The following FBXO47 variants were observed in gnomAD, a reference collection of about 807,000 sequenced individuals.
The protein encoded by FBXO47 is F-box only protein 47.
In FBXO47, 34 loss-of-function variants were observed where a neutral mutation model predicts 53.9. The observed-to-expected ratio is 0.63, with a 90% CI of 0.48 to 0.84. The LOEUF (loss-of-function observed/expected upper bound fraction) is 0.84. Ranked by LOEUF, FBXO47 falls within the 40% of genes least tolerant of loss-of-function variation. FBXO47 has a pLI of 0.00. For synonymous variants in FBXO47, 165 were observed against 181.6 expected (o/e 0.91, Z 0.73); for missense variants, 485 against 541.3 (o/e 0.90, Z 1.03).
intron 9 of FBXO47, among the ~76,000 whole-genome samples, chr17:38,941,604 T>TA (rs2143886494): frequency 9.0e-6 from 1 of 111,630 alleles, no homozygotes; most frequent in African/African-American, 3.1e-5. Context: ...TAAATGAATA[T>TA]TAAATAAATA....
chr17:38,946,216 A>G (rs1160473037), intron 6 of FBXO47, among the ~76,000 whole-genome samples: 1 of 112,716 alleles, frequency 8.9e-6, no homozygotes, highest in African/African-American at 3.6e-5. Context: ...ATATATACAA[A>G]AATATATATA....
intron 4 of FBXO47, among the ~76,000 whole-genome samples, chr17:38,956,591 CAAA>C (rs1158036745): frequency 5.4e-5 from 3 of 55,960 alleles, no homozygotes. Context: ...TCTGTCTCAA[CAAA>C]AAAAAAAAAA....
chr17:38,966,511 G>A (rs2143983340), intron 1 of FBXO47, among the ~76,000 whole-genome samples: 1 of 152,268 alleles, frequency 6.6e-6, no homozygotes, highest in Middle Eastern at 3.4e-3. Flanking sequence ...AACACAGTAG[G>A]TGTTTTAAAG....
chr17:38,966,566 T>A (rs1319047551), intron 1 of FBXO47, among the ~76,000 whole-genome samples: 1 of 152,186 alleles, frequency 6.6e-6, no homozygotes, highest in Non-Finnish European at 1.5e-5. Flanking sequence ...CTTCTTCCTG[T>A]TTCTCTGAGA....
chr17:38,947,303 A>C (rs1021548570), intron 6 of FBXO47, among the ~76,000 whole-genome samples: 1 of 151,576 alleles, frequency 6.6e-6, no homozygotes, highest in Non-Finnish European at 1.5e-5. Flanking sequence ...TTGTCTAAAC[A>C]ACAACAAAAA....
At chr17:38,947,807 G>A (rs1326632868) in intron 6 of FBXO47, among the ~76,000 whole-genome samples, 2 of 152,094 alleles carry the variant, frequency 1.3e-5, no homozygotes, top group Non-Finnish European at 2.9e-5. Context: ...CTACTTGGGA[G>A]GCTGAGGCAG....
Position 38,937,135 on chromosome 17 carries a change from C to CG in FBXO47, c.*39dup, listed in dbSNP as rs1485778789. 1 of 837,902 alleles carries CG rather than the reference C, an allele frequency of 1.2e-6. No individual in the cohort carries two copies. The highest frequency in any genetic ancestry group is 1.8e-5 in the African/African-American group (1 of 56,718). The allele number at this position is 837,902 out of a possible 1,614,324, so 51.9% of individuals were successfully genotyped here. A position where few individuals can be genotyped will look rare whatever the true frequency, so the allele number is the denominator to read the frequency against. ...AAAAAGTAGCACTCCTCTAATCATT[C>CG]GTTCAGTGACGTTCTCTAAAGGCAA... On this transcript the variant is annotated 3_prime_UTR_variant, in exon 11 of 11. Coordinates refer to ENST00000378079, the MANE Select transcript of FBXO47 (RefSeq NM_001008777.3).
chr17:38,946,465 T>C (rs1353182864), intron 6 of FBXO47, among the ~76,000 whole-genome samples: 1 of 91,052 alleles, frequency 1.1e-5, no homozygotes, highest in Non-Finnish European at 1.9e-5. Flanking sequence ...TAAATATATA[T>C]GAATATATAT....
intron 6 of FBXO47, among the ~76,000 whole-genome samples, chr17:38,946,299 T>TATATATAAATATATAAAA (rs1567716487): frequency 0.016 from 778 of 50,140 alleles, 14 homozygotes; most frequent in Non-Finnish European, 0.027. Flanking sequence ...TATATAAAAA[T>TATATATAAATATATAAAA]ATATATAAAT....
chr17:38,954,720 T>G (rs79488852), intron 5 of FBXO47, 136 bp downstream of exon 5: 12,436 of 531,678 alleles, frequency 0.023, 202 homozygotes, highest in Non-Finnish European at 0.031. Context: ...GATTAATACA[T>G]TCTCAAATCT....
chr17:38,955,173 G>T (rs922293766), intron 4 of FBXO47, among the ~76,000 whole-genome samples: 8 of 152,072 alleles, frequency 5.3e-5, no homozygotes, highest in African/African-American at 1.9e-4. Flanking sequence ...AGATCACGAG[G>T]TCAGGAGATC....
At chr17:38,960,317 G>C (rs1905762251) in intron 3 of FBXO47, among the ~76,000 whole-genome samples, 1 of 151,830 alleles carries the variant, frequency 6.6e-6, no homozygotes, top group Non-Finnish European at 1.5e-5. Flanking sequence ...ATGACGATAT[G>C]AGAAAATGGT....
intron 6 of FBXO47, among the ~76,000 whole-genome samples, chr17:38,950,006 A>G (rs1178181407): frequency 6.6e-6 from 1 of 152,200 alleles, no homozygotes; most frequent in East Asian, 1.9e-4. Flanking sequence ...TAAATTTCTT[A>G]TATTGTGATA....
At chr17:38,960,340 C>T (rs1183108620) in intron 3 of FBXO47, among the ~76,000 whole-genome samples, 1 of 151,586 alleles carries the variant, frequency 6.6e-6, no homozygotes, top group Non-Finnish European at 1.5e-5. Flanking sequence ...GTATATCAAA[C>T]ATTTACTTAA....
rs1323362362 is a variant in FBXO47, at chr17:38,946,347, TATAAATATATATAAATATATAG to T, written c.617-1233_617-1212del. On this transcript the variant is annotated intron_variant, in intron 6 of 10. Coordinates refer to ENST00000378079, the MANE Select transcript of FBXO47 (RefSeq NM_001008777.3). ...ATAAATATATAAATATATATAAATA[TATAAATATATATAAATATATAG>T]ATATATATATAAATATATATATCTA... Among the ~76,000 whole-genome samples, 6 of 93,192 alleles carry T rather than the reference TATAAATATATATAAATATATAG, an allele frequency of 6.4e-5. 1 individual carries two copies. The highest frequency in any genetic ancestry group is 2.5e-4 in the African/African-American group (5 of 20,346). 61.1% of individuals were successfully genotyped at this position (93,192 alleles called of 152,430 possible). A position where few individuals can be genotyped will look rare whatever the true frequency, so the allele number is the denominator to read the frequency against.
rs201536038 is a variant in FBXO47 at position 38,947,105 on chromosome 17, A to AAT, written c.617-1970_617-1969insAT. 8.2e-3 allele frequency among the ~76,000 whole-genome samples: 746 copies of AAT among 90,574 alleles called. 2 individuals carry two copies. Among genetic ancestry groups the AAT allele is most frequent in the Non-Finnish European group, 0.015 (565 of 36,686 alleles). 59.4% of individuals were successfully genotyped at this position (90,574 alleles called of 152,430 possible). A position where few individuals can be genotyped will look rare whatever the true frequency, so the allele number is the denominator to read the frequency against. On this transcript the variant is annotated intron_variant, in intron 6 of 10. Coordinates refer to ENST00000378079, the MANE Select transcript of FBXO47 (RefSeq NM_001008777.3). ...AAACATATATATAAACATATATATAAACATATATATATAAACATATATATA... is the reference window on the plus strand; with the variant it reads ...AAACATATATATAAACATATATATAAATACATATATATATAAACATATATATA...
chr17:38,955,063 T>C (rs774048691), intron 4 of FBXO47, 130 bp from the exon 5 acceptor site: 4 of 642,888 alleles, frequency 6.2e-6, no homozygotes, highest in Non-Finnish European at 1.1e-5. Context: ...CTGATCAACA[T>C]TGGTTACATA....
chr17:38,946,333 A>AATATATAAATATATAGAT (rs1904821016), intron 6 of FBXO47, among the ~76,000 whole-genome samples: 2 of 84,986 alleles, frequency 2.4e-5, no homozygotes, highest in African/African-American at 1.2e-4. Context: ...TAAATATATA[A>AATATATAAATATATAGAT]ATATATATAA....
At chr17:38,953,229 G>C (rs1429248272) in intron 5 of FBXO47, among the ~76,000 whole-genome samples, 1 of 150,778 alleles carries the variant, frequency 6.6e-6, no homozygotes, top group Non-Finnish European at 1.5e-5. Flanking sequence ...TGAGGCAGAA[G>C]AATCACTTGA....
Sources: allele counts gnomAD v4.1 joint callset (sites outside exome capture counted in the v4.1 genomes callset), GRCh38; gene constraint gnomAD v4.1.1; transcripts MANE v1.5; gene names NCBI Gene and HGNC (gene_info 2026-07-23, HGNC 2026-07-21).